EXO1: variants seen among roughly 807,000 people sequenced by gnomAD.
EXO1 encodes exonuclease 1.
EXO1 carries 69 observed loss-of-function variants against 84.5 expected under a neutral mutation model. The ratio of observed to expected loss-of-function variants is 0.82; its 90% CI spans 0.67 to 1.00. The LOEUF is 1.00. Ranked by LOEUF, EXO1 falls within the 50% of genes least tolerant of loss-of-function variation. The pLI is 0.00. For missense variants in EXO1, 1,045 were observed against 1,000.7 expected (o/e 1.04, Z -0.60); for synonymous variants, 373 against 366.1 (o/e 1.02, Z -0.21).
At chr1:241,870,570 C>T (rs890973799) in intron 11 of EXO1, among the ~76,000 whole-genome samples, 1 of 152,214 alleles carries the variant, frequency 6.6e-6, no homozygotes, top group African/African-American at 2.4e-5. Flanking sequence ...CATTCACATT[C>T]TTGCAATCTG....
In EXO1 at chr1:241,867,896, C is replaced by G. The variant is rs531131086; in HGVS notation, c.1267+841C>G. Among the ~76,000 whole-genome samples the G allele has an allele frequency of 1.8e-3, 267 of 151,766 alleles. 1 individual carries two copies. The highest frequency in any genetic ancestry group is 6.3e-3 in the African/African-American group (261 of 41,338). On this transcript the variant is annotated intron_variant, in intron 11 of 15. Transcript: ENST00000366548. ...CTTTTGAAAAGTTGTTTTGGCTATT[C>G]TGTGTTTTTCACGTTTCCATGTACA...
intron 12 of EXO1, among the ~76,000 whole-genome samples, chr1:241,875,735 G>A (rs887152005): frequency 2.0e-5 from 3 of 152,124 alleles, no homozygotes; most frequent in Admixed American, 1.3e-4. Context: ...AAAATTAGCC[G>A]GGCGTGGTGG....
At chr1:241,884,182 C>A (rs4149988) in intron 14 of EXO1, among the ~76,000 whole-genome samples, 3 of 152,160 alleles carry the variant, frequency 2.0e-5, no homozygotes, top group Non-Finnish European at 4.4e-5. Context: ...AGAAAAACAA[C>A]CAAACATCGA....
chr1:241,849,553 G>T (rs1297738704), intron 3 of EXO1, among the ~76,000 whole-genome samples: 1 of 152,230 alleles, frequency 6.6e-6, no homozygotes, highest in Non-Finnish European at 1.5e-5. Context: ...CGCCACCACT[G>T]TTTATTACCA....
rs373381159 is a variant in EXO1, at chr1:241,867,033, C to T, written c.1245C>T (p.Ser415=). ...TKGLNLPRKS[S]IVKRPRSAEL... is the part of the protein sequence containing the mutation. ...GGTTAAATCTCCCAAGGAAATCATCCATTGTGAAAAGACCAAGAAGTGGTA... is the reference window on the plus strand; with the variant it reads ...GGTTAAATCTCCCAAGGAAATCATCTATTGTGAAAAGACCAAGAAGTGGTA... Residue 415 remains serine, a synonymous_variant, in exon 11 of 16, where the codon TCC becomes TCT. Coordinates refer to ENST00000366548, the MANE Select transcript of EXO1 (RefSeq NM_130398.4). 3.7e-6 allele frequency: 6 copies of T among 1,613,210 alleles called. No individual in the cohort carries two copies. The highest frequency in any genetic ancestry group is 5.1e-6 in the Non-Finnish European group (6 of 1,179,352).
intron 12 of EXO1, among the ~76,000 whole-genome samples, chr1:241,878,145 T>C (rs1574175989): frequency 6.6e-6 from 1 of 152,240 alleles, no homozygotes; most frequent in South Asian, 2.1e-4. Flanking sequence ...ATATGATGAT[T>C]AGGTATAAAT....
chr1:241,872,689 G>GT (rs1351808641), intron 12 of EXO1, among the ~76,000 whole-genome samples: 6 of 152,160 alleles, frequency 3.9e-5, no homozygotes, highest in African/African-American at 1.4e-4. Flanking sequence ...TGAACTCATC[G>GT]TTTTTTATGA....
intron 11 of EXO1, among the ~76,000 whole-genome samples, chr1:241,867,428 G>C (rs1661812332): frequency 6.6e-6 from 1 of 152,270 alleles, no homozygotes; most frequent in South Asian, 2.1e-4. Flanking sequence ...CGGCCACCAT[G>C]ATTCAGTTAT....
intron 7 of EXO1, 101 bp downstream of exon 7, chr1:241,857,583 A>G: frequency 2.2e-6 from 1 of 457,770 alleles, no homozygotes; most frequent in Non-Finnish European, 3.4e-6. Flanking sequence ...ATAATTTATA[A>G]TATTTATAAA....
At chr1:241,889,439 CA>C (rs1390439800) in intron 15 of EXO1, 25 bp from the exon 16 acceptor site, 2 of 1,601,484 alleles carry the variant, frequency 1.2e-6, no homozygotes, top group East Asian at 4.5e-5. Context: ...TTAAAAATAC[CA>C]AATGTATTTT....
intron 12 of EXO1, among the ~76,000 whole-genome samples, chr1:241,878,507 AAAG>A (rs1457781012): frequency 6.6e-6 from 1 of 151,930 alleles, no homozygotes; most frequent in Non-Finnish European, 1.5e-5. Flanking sequence ...AAAAAAAAAA[AAAG>A]AAGGAAAATC....
chr1:241,853,782 G>A (rs1286259851), intron 6 of EXO1, among the ~76,000 whole-genome samples: 1 of 152,126 alleles, frequency 6.6e-6, no homozygotes, highest in African/African-American at 2.4e-5. Context: ...GGACGCTGAG[G>A]CAGGAGGGTC....
chr1:241,870,344 A>T (rs1473417094), intron 11 of EXO1, among the ~76,000 whole-genome samples: 7 of 152,218 alleles, frequency 4.6e-5, no homozygotes, highest in African/African-American at 7.2e-5. Context: ...CAGATGATTT[A>T]AAGATAGCCA....
chr1:241,884,423 G>T (rs1397170965), intron 14 of EXO1, among the ~76,000 whole-genome samples: 1 of 151,988 alleles, frequency 6.6e-6, no homozygotes, highest in South Asian at 2.1e-4. Context: ...TCTCCATTCT[G>T]TCCACAGGGT....
chr1:241,872,146 C>G lies in EXO1; in HGVS notation c.1382C>G (p.Pro461Arg), dbSNP rs1480830417. The change falls in exon 12 of 16, where the codon CCT (proline) becomes CGT (arginine). Residue 461 changes from proline to arginine, a missense_variant. Transcript: ENST00000366548. ...KSLSFSEVFVPDLVNGPTNKK... is the reference protein window; with the variant it reads ...KSLSFSEVFVRDLVNGPTNKK... ...TTGAGCTTTTCTGAAGTGTTTGTGC[C>G]TGACCTGGTAAATGGACCTACTAAC... 1 of 1,613,980 alleles carries G rather than the reference C, an allele frequency of 6.2e-7. No individual in the cohort carries two copies. Among genetic ancestry groups the G allele is most frequent in the Middle Eastern group, 1.7e-4 (1 of 6,058 alleles).
chr1:241,877,389 G>A (rs17391703), intron 12 of EXO1, among the ~76,000 whole-genome samples: 25,500 of 151,948 alleles, frequency 0.17, 2,815 homozygotes, highest in Middle Eastern at 0.25. Flanking sequence ...AGGAATTGCC[G>A]TTGATTTAAA....
At position 241,879,076 on chromosome 1, in the gene EXO1, T is replaced by C; in HGVS notation, c.1842T>C (p.Gly614=). Residue 614 remains glycine (G), a synonymous_variant, in exon 13 of 16, where the codon GGT becomes GGC. Coordinates refer to ENST00000366548, the MANE Select transcript of EXO1 (RefSeq NM_130398.4). The stretch of plus-strand genomic sequence containing the variant: ...GAAGTTGTTTTAGTTGGTCTGGAGG[T>C]CTTGGAGATTTTTCAAGAACGCCGA... The part of the protein sequence containing the change: ...TLRSCFSWSG[G]LGDFSRTPSP... 1 of 1,613,944 alleles carries C rather than the reference T, an allele frequency of 6.2e-7. No homozygotes were observed. The highest frequency in any genetic ancestry group is 8.5e-7 in the Non-Finnish European group (1 of 1,179,910).
chr1:241,883,121 T>C (rs189143764), intron 14 of EXO1, among the ~76,000 whole-genome samples: 5 of 152,294 alleles, frequency 3.3e-5, no homozygotes, highest in African/African-American at 1.2e-4. Context: ...TTTTCTTGTG[T>C]TTTTCTACCA....
chr1:241,854,671 G>A (rs2526703), intron 6 of EXO1: 46,704 of 152,652 alleles, frequency 0.31, 7,808 homozygotes, highest in Middle Eastern at 0.39. Context: ...CATTGTGTGC[G>A]GAAGTAGAGG....
Sources: gnomAD v4.1 joint callset for allele counts (sites outside exome capture counted in the v4.1 genomes callset) on GRCh38, gnomAD v4.1.1 for gene constraint, MANE v1.5 for transcripts, NCBI Gene and HGNC (gene_info 2026-07-23, HGNC 2026-07-21) for gene names.